Variants in NOX4 observed in about 807,000 individuals in gnomAD.
NOX4 encodes the protein kidney oxidase-1.
NOX4 carries 69 observed loss-of-function variants against 87.6 expected under a neutral mutation model. The ratio of observed to expected loss-of-function variants is 0.79; its 90% CI spans 0.65 to 0.96. The LOEUF (loss-of-function observed/expected upper bound fraction) is 0.96, where lower values mean the gene tolerates loss of function less well. Among genes scored for constraint, NOX4 ranks in the 40% least tolerant of loss-of-function variants. The pLI, the probability that NOX4 is intolerant of heterozygous loss-of-function variation, is 0.00. For synonymous variants in NOX4, 275 were observed against 238.2 expected, an observed-to-expected ratio of 1.15 and a Z score of -1.42; for missense variants, 680 against 681.5, an observed-to-expected ratio of 1.00 and a Z score of 0.02.
At chr11:89,578,580 CAT>C in the NOX4 span, among the ~76,000 whole-genome samples, 2 of 152,148 alleles carry the variant, frequency 1.3e-5, no homozygotes, top group African/African-American at 2.4e-5. Flanking sequence ...GATTATTCTA[CAT>C]GAGATAATAT....
intron 4 of NOX4, among the ~76,000 whole-genome samples, chr11:89,448,415 G>C (rs551962363): frequency 1.3e-5 from 2 of 152,012 alleles, no homozygotes; most frequent in Non-Finnish European, 2.9e-5. Flanking sequence ...TTTTAAAAAG[G>C]CTTATAATAG....
At chr11:89,494,143 C>T (rs1225119964), upstream of NOX4, among the ~76,000 whole-genome samples, 1 of 152,160 alleles carries the variant, frequency 6.6e-6, no homozygotes, top group African/African-American at 2.4e-5. Flanking sequence ...TCTGTAGCTA[C>T]ATCAGTATTT....
chr11:89,577,961 C>G, the NOX4 span, among the ~76,000 whole-genome samples: 6 of 151,986 alleles, frequency 3.9e-5, no homozygotes, highest in Non-Finnish European at 5.9e-5. Flanking sequence ...TATATTAATG[C>G]ACATCTGTCA....
chr11:89,354,991 C>A lies in NOX4; in HGVS notation c.1188G>T (p.Leu396=), dbSNP rs141316075. Residue 396 remains leucine (L), a synonymous_variant, in exon 13 of 18, where the codon CTG becomes CTT. Transcript: ENST00000263317. ...GATAATTTCTAGATTGAATGAAGGGCAGAATTTCGGAGTCTTGACTAGATG... is the reference window on the plus strand; with the variant it reads ...GATAATTTCTAGATTGAATGAAGGGAAGAATTTCGGAGTCTTGACTAGATG... The part of the protein sequence containing the change: ...LPPSSQDSEI[L]PFIQSRNYPK... 1.9e-6 allele frequency: 3 copies of A among 1,602,012 alleles called. No homozygotes were observed. Among genetic ancestry groups the A allele is most frequent in the African/African-American group, 2.7e-5 (2 of 74,564 alleles).
the NOX4 span, among the ~76,000 whole-genome samples, chr11:89,588,383 A>G: frequency 1.3e-5 from 2 of 152,230 alleles, no homozygotes; most frequent in Non-Finnish European, 2.9e-5. Context: ...CGAGAAATAC[A>G]TTCCAGAAAT....
intron 9 of NOX4, among the ~76,000 whole-genome samples, chr11:89,401,755 AT>A (rs1345170792): frequency 6.6e-6 from 1 of 152,070 alleles, no homozygotes; most frequent in Non-Finnish European, 1.5e-5. Context: ...GGTAAGTACA[AT>A]TTCTTTATCA....
At chr11:89,554,831 C>A in the NOX4 span, among the ~76,000 whole-genome samples, 2 of 151,844 alleles carry the variant, frequency 1.3e-5, no homozygotes, top group African/African-American at 4.8e-5. Flanking sequence ...CATAAATACA[C>A]AAATGATCAA....
chr11:89,380,979 T>C (rs1301557885), intron 11 of NOX4, among the ~76,000 whole-genome samples: 2 of 152,176 alleles, frequency 1.3e-5, no homozygotes, highest in Non-Finnish European at 2.9e-5. Flanking sequence ...CCTGGTTTCA[T>C]TTAAACCCAC....
intron 17 of NOX4, among the ~76,000 whole-genome samples, chr11:89,334,369 A>ATCT (rs1945609797): frequency 6.6e-6 from 1 of 151,772 alleles, no homozygotes; most frequent in Admixed American, 6.6e-5. Flanking sequence ...TCATGCTTAC[A>ATCT]TCTTCATCCC....
At chr11:89,407,520 G>T (rs1210443443) in intron 8 of NOX4, among the ~76,000 whole-genome samples, 1 of 152,046 alleles carries the variant, frequency 6.6e-6, no homozygotes, top group Admixed American at 6.5e-5. Context: ...AATTGTTTCT[G>T]CATTCAAAAG....
chr11:89,541,119 T>C, the NOX4 span, among the ~76,000 whole-genome samples: 4 of 152,178 alleles, frequency 2.6e-5, no homozygotes, highest in African/African-American at 9.7e-5. Context: ...CAAAATCCTC[T>C]TAAATTCTCT....
chr11:89,520,757 C>G, the NOX4 span, among the ~76,000 whole-genome samples: 1 of 152,102 alleles, frequency 6.6e-6, no homozygotes, highest in Non-Finnish European at 1.5e-5. Context: ...CAAACTATCT[C>G]TCTTCACTGA....
At chr11:89,499,637 A>G (rs757196941), upstream of NOX4, among the ~76,000 whole-genome samples, 12 of 152,128 alleles carry the variant, frequency 7.9e-5, no homozygotes, top group Non-Finnish European at 1.6e-4. Context: ...TTTTGTTTCC[A>G]TTCTCACAAT....
chr11:89,338,714 C>T (rs1490492516), intron 15 of NOX4, among the ~76,000 whole-genome samples: 1 of 152,048 alleles, frequency 6.6e-6, no homozygotes, highest in East Asian at 1.9e-4. Context: ...AGAGCCCTTG[C>T]CTATGAAGTT....
At chr11:89,399,927 G>C in intron 11 of NOX4, 90 bp downstream of exon 11, 1 of 831,534 alleles carries the variant, frequency 1.2e-6, no homozygotes, top group Non-Finnish European at 1.9e-6. Flanking sequence ...TGATAGCCTT[G>C]AATACCTTTT....
the NOX4 span, among the ~76,000 whole-genome samples, chr11:89,542,451 T>C: frequency 6.6e-6 from 1 of 152,216 alleles, no homozygotes; most frequent in Non-Finnish European, 1.5e-5. Flanking sequence ...TGATTTTTTT[T>C]AGGCTTTATT....
chr11:89,586,745 A>C, the NOX4 span, among the ~76,000 whole-genome samples: 2 of 152,190 alleles, frequency 1.3e-5, no homozygotes, highest in Admixed American at 1.3e-4. Flanking sequence ...TTTGCAGATA[A>C]AACAACACTT....
At chr11:89,447,648 A>C (rs541892749) in intron 4 of NOX4, among the ~76,000 whole-genome samples, 15 of 152,300 alleles carry the variant, frequency 9.8e-5, no homozygotes, top group Middle Eastern at 6.8e-3. Flanking sequence ...ACACAAGCTC[A>C]TGCTAGCTCA....
At chr11:89,457,401 C>A (rs917999598) in intron 2 of NOX4, among the ~76,000 whole-genome samples, 1 of 152,216 alleles carries the variant, frequency 6.6e-6, no homozygotes, top group South Asian at 2.1e-4. Flanking sequence ...AGGACCACTT[C>A]AGGCTCACTC....
Sources: allele counts gnomAD v4.1 joint callset (sites outside exome capture counted in the v4.1 genomes callset), GRCh38; gene constraint gnomAD v4.1.1; transcripts MANE v1.5; gene names NCBI Gene and HGNC (gene_info 2026-07-23, HGNC 2026-07-21).